The following KLHL1 variants were observed in gnomAD, a reference collection of about 807,000 sequenced individuals.
KLHL1 encodes the protein kelch-like protein 1.
KLHL1 carries 47 observed loss-of-function variants against 77.7 expected under a neutral mutation model. The ratio of observed to expected loss-of-function variants is 0.60; its 90% CI spans 0.48 to 0.77. The LOEUF is 0.77. Ranked by LOEUF, KLHL1 falls within the 30% of genes least tolerant of loss-of-function variation. The pLI is 0.00. For synonymous variants in KLHL1, 360 were observed against 325.2 expected (o/e 1.11, Z -1.15); for missense variants, 925 against 910.8 (o/e 1.02, Z -0.20).
intron 7 of KLHL1, among the ~76,000 whole-genome samples, chr13:69,795,669 G>A (rs1449022432): frequency 6.6e-6 from 1 of 152,030 alleles, no homozygotes; most frequent in Non-Finnish European, 1.5e-5. Flanking sequence ...ACCCTGAATT[G>A]GTGGCAAATC....
At chr13:70,006,264 T>A (rs1033799240) in intron 1 of KLHL1, among the ~76,000 whole-genome samples, 1 of 152,064 alleles carries the variant, frequency 6.6e-6, no homozygotes, top group Non-Finnish European at 1.5e-5. Context: ...TATTTGCTTA[T>A]AGATGGACAT....
intron 1 of KLHL1, among the ~76,000 whole-genome samples, chr13:70,040,348 G>A (rs1041847040): frequency 1.2e-4 from 19 of 152,016 alleles, no homozygotes; most frequent in African/African-American, 3.4e-4. Context: ...ACTACCTATC[G>A]GGCACTATGT....
intron 2 of KLHL1, among the ~76,000 whole-genome samples, chr13:69,967,250 T>C (rs1363201206): frequency 6.6e-6 from 1 of 152,020 alleles, no homozygotes; most frequent in East Asian, 1.9e-4. Flanking sequence ...TTCTGGAAAA[T>C]TTCACTCTCC....
At chr13:69,870,011 T>G (rs1268608755) in intron 5 of KLHL1, among the ~76,000 whole-genome samples, 1 of 152,194 alleles carries the variant, frequency 6.6e-6, no homozygotes, top group Non-Finnish European at 1.5e-5. Flanking sequence ...TCTCCTTTAG[T>G]AAATTGATAG....
At chr13:70,003,159 G>A (rs868011240) in intron 1 of KLHL1, among the ~76,000 whole-genome samples, 3 of 151,602 alleles carry the variant, frequency 2.0e-5, no homozygotes, top group African/African-American at 4.8e-5. Context: ...ACAATTATGA[G>A]CATACAAACT....
At chr13:69,776,059 G>C (rs1268711882) in intron 7 of KLHL1, among the ~76,000 whole-genome samples, 4 of 151,890 alleles carry the variant, frequency 2.6e-5, no homozygotes, top group Admixed American at 2.6e-4. Flanking sequence ...GGGAGGCTGA[G>C]GCAGGAGAAT....
intron 7 of KLHL1, among the ~76,000 whole-genome samples, chr13:69,758,258 T>C (rs1012199735): frequency 1.2e-4 from 19 of 152,114 alleles, no homozygotes; most frequent in African/African-American, 3.6e-4. Context: ...ACTTTTATAT[T>C]AGTGTATTAT....
At chr13:69,813,400 C>T (rs1174640822) in intron 6 of KLHL1, among the ~76,000 whole-genome samples, 1 of 151,546 alleles carries the variant, frequency 6.6e-6, no homozygotes, top group Non-Finnish European at 1.5e-5. Context: ...GTACAGCACA[C>T]CAACATGACA....
intron 1 of KLHL1, among the ~76,000 whole-genome samples, chr13:69,997,198 G>A (rs1885177512): frequency 6.6e-6 from 1 of 151,310 alleles, no homozygotes; most frequent in South Asian, 2.1e-4. Flanking sequence ...TCCAGCCTGG[G>A]CTACAGAGTG....
chr13:69,979,608 G>A (rs1312733704), intron 1 of KLHL1, among the ~76,000 whole-genome samples: 7 of 151,804 alleles, frequency 4.6e-5, no homozygotes, highest in Non-Finnish European at 7.4e-5. Flanking sequence ...TGTTTTGTCC[G>A]ATTTTGTACA....
At chr13:70,038,581 A>AT (rs55885952) in intron 1 of KLHL1, among the ~76,000 whole-genome samples, 4,816 of 72,584 alleles carry the variant, frequency 0.066, 357 homozygotes, top group Non-Finnish European at 0.077. Flanking sequence ...ATTGTCATTA[A>AT]TTTTTTTTTT....
At chr13:69,863,649 T>A (rs1412805959) in intron 5 of KLHL1, among the ~76,000 whole-genome samples, 1 of 152,046 alleles carries the variant, frequency 6.6e-6, no homozygotes, top group Non-Finnish European at 1.5e-5. Context: ...AATGAATGAA[T>A]TCATCTGTAT....
chr13:69,922,439 A>C (rs1882673090), intron 4 of KLHL1, among the ~76,000 whole-genome samples: 1 of 136,372 alleles, frequency 7.3e-6, no homozygotes, highest in South Asian at 2.7e-4. Flanking sequence ...CATAACTGGA[A>C]AAGTAGGTCC....
chr13:70,034,903 A>G (rs1219940520), intron 1 of KLHL1, among the ~76,000 whole-genome samples: 1 of 152,126 alleles, frequency 6.6e-6, no homozygotes, highest in Non-Finnish European at 1.5e-5. Flanking sequence ...TTTGAAAATA[A>G]ATGTTACAAT....
At chr13:69,947,948 CAAAT>C in intron 3 of KLHL1, among the ~76,000 whole-genome samples, 1 of 152,120 alleles carries the variant, frequency 6.6e-6, no homozygotes, top group Middle Eastern at 3.4e-3. Flanking sequence ...ATAACGTTCT[CAAAT>C]AAGCTTACTA....
In KLHL1 at chr13:69,791,643, C is replaced by T. The variant is rs1235875852; in HGVS notation, c.1639+5095G>A. ...AAAAATAAACCCTCACAGTTATGGC[C>T]AATTGATTTTTGACAAGGGTGCCAA... On this transcript the variant is annotated intron_variant, in intron 7 of 10. Coordinates refer to ENST00000377844, the MANE Select transcript of KLHL1 (RefSeq NM_020866.3). Among the ~76,000 whole-genome samples, 4 of 152,116 alleles carry T rather than the reference C, an allele frequency of 2.6e-5. No homozygotes were observed. The East Asian group carries it at 5.8e-4, about 22-fold the overall frequency.
intron 1 of KLHL1, among the ~76,000 whole-genome samples, chr13:69,994,469 C>T (rs778432106): frequency 6.6e-6 from 1 of 152,104 alleles, no homozygotes; most frequent in African/African-American, 2.4e-5. Flanking sequence ...GCCTATTTTT[C>T]CTTAGGACCT....
At chr13:69,840,308 C>T (rs1308324736) in intron 5 of KLHL1, among the ~76,000 whole-genome samples, 1 of 151,804 alleles carries the variant, frequency 6.6e-6, no homozygotes, top group African/African-American at 2.4e-5. Context: ...ACTGCAACCT[C>T]TGCTTCCCAG....
chr13:69,738,994 G>A (rs1873876390), intron 8 of KLHL1, among the ~76,000 whole-genome samples: 2 of 152,132 alleles, frequency 1.3e-5, no homozygotes, highest in Admixed American at 6.6e-5. Context: ...GCAAAGGGCA[G>A]CCAGAGAGAA....
Sources: allele counts gnomAD v4.1 joint callset (sites outside exome capture counted in the v4.1 genomes callset), GRCh38; gene constraint gnomAD v4.1.1; transcripts MANE v1.5; gene names NCBI Gene and HGNC (gene_info 2026-07-23, HGNC 2026-07-21).